ZCWPW2: variants seen among roughly 807,000 people sequenced by gnomAD.
ZCWPW2 encodes zinc finger CW-type PWWP domain protein 2.
ZCWPW2 carries 45 observed loss-of-function variants against 46.6 expected under a neutral mutation model. The observed-to-expected ratio is 0.96, with a 90% CI of 0.76 to 1.24. ZCWPW2 has a LOEUF of 1.24. ZCWPW2 is among the 50% of genes most tolerant of loss of function. The pLI is 0.00. For missense variants in ZCWPW2, 429 were observed against 403.9 expected (o/e 1.06, Z -0.53); for synonymous variants, 152 against 137.1 (o/e 1.11, Z -0.76).
intron 6 of ZCWPW2, among the ~76,000 whole-genome samples, chr3:28,510,617 A>G (rs189296955): frequency 1.6e-4 from 24 of 152,234 alleles, no homozygotes; most frequent in African/African-American, 5.8e-4. Flanking sequence ...TTTTAGCTCT[A>G]CACTAACCCA....
At chr3:28,514,300 G>T (rs1700506890) in intron 7 of ZCWPW2, among the ~76,000 whole-genome samples, 178 bp downstream of exon 7, 1 of 151,802 alleles carries the variant, frequency 6.6e-6, no homozygotes, top group Non-Finnish European at 1.5e-5. Context: ...GATTTGATTT[G>T]GATGCCTACC....
At chr3:28,489,748 A>G (rs1400590156) in intron 5 of ZCWPW2, among the ~76,000 whole-genome samples, 1 of 151,504 alleles carries the variant, frequency 6.6e-6, no homozygotes, top group Admixed American at 6.6e-5. Context: ...TTTGTTGATT[A>G]TCTGTTATCT....
intron 4 of ZCWPW2, among the ~76,000 whole-genome samples, chr3:28,448,639 G>T (rs1698092103): frequency 6.6e-6 from 1 of 151,390 alleles, no homozygotes; most frequent in South Asian, 2.1e-4. Flanking sequence ...ACAAAAATTA[G>T]CCAGGCATGT....
rs370161814 is a variant in ZCWPW2, at chr3:28,437,602, A to G, written c.492+2333A>G. Among the ~76,000 whole-genome samples, 438 of 152,302 alleles carry G rather than the reference A, an allele frequency of 2.9e-3. 5 individuals are homozygous for G. Among genetic ancestry groups the G allele is most frequent in the African/African-American group, 9.8e-3 (407 of 41,564 alleles). ...TTAATTTTATTAAGAGCACAACAGT[A>G]CTCAGTCATTCTCTAGTCATACAGA... On this transcript the variant is annotated intron_variant, in intron 4 of 9. Transcript: ENST00000383768.
At chr3:28,366,910 G>A (rs896558330) in intron 1 of ZCWPW2, among the ~76,000 whole-genome samples, 7 of 152,312 alleles carry the variant, frequency 4.6e-5, no homozygotes, top group South Asian at 2.1e-4. Flanking sequence ...ATTTCTTCTA[G>A]ATTTTCTAGT....
chr3:28,391,407 T>G (rs1363691744), intron 2 of ZCWPW2, among the ~76,000 whole-genome samples: 2 of 149,910 alleles, frequency 1.3e-5, no homozygotes, highest in Non-Finnish European at 3.0e-5. Context: ...ACAAAGCCAA[T>G]GAGACAGCCA....
chr3:28,453,626 G>T (rs1306827067), intron 4 of ZCWPW2, among the ~76,000 whole-genome samples: 2 of 151,916 alleles, frequency 1.3e-5, no homozygotes, highest in African/African-American at 4.8e-5. Flanking sequence ...TCACAAAATT[G>T]CCCTGAGAGT....
intron 4 of ZCWPW2, among the ~76,000 whole-genome samples, chr3:28,453,924 A>G (rs1698328921): frequency 6.6e-6 from 1 of 150,770 alleles, no homozygotes; most frequent in Non-Finnish European, 1.5e-5. Flanking sequence ...GGCTCACTGC[A>G]AGCTCCGCCT....
intron 4 of ZCWPW2, among the ~76,000 whole-genome samples, chr3:28,455,098 C>T (rs899741582): frequency 6.6e-6 from 1 of 152,216 alleles, no homozygotes; most frequent in African/African-American, 2.4e-5. Context: ...TACATTCCCA[C>T]CATCAGTGTA....
chr3:28,484,114 T>C (rs1271445382), intron 5 of ZCWPW2, among the ~76,000 whole-genome samples: 1 of 152,146 alleles, frequency 6.6e-6, no homozygotes, highest in Non-Finnish European at 1.5e-5. Context: ...GCTTTAGATA[T>C]TTTGTAAATG....
At chr3:28,456,431 A>G (rs540873230) in intron 4 of ZCWPW2, among the ~76,000 whole-genome samples, 36 of 152,310 alleles carry the variant, frequency 2.4e-4, no homozygotes, top group South Asian at 6.2e-4. Context: ...AAACAAAGAT[A>G]ATTTGACTTT....
Position 28,405,682 on chromosome 3 carries a change from G to A in ZCWPW2, c.-13-7374G>A, listed in dbSNP as rs1473526026. On this transcript the variant is annotated intron_variant, in intron 2 of 9. Coordinates refer to ENST00000383768, the MANE Select transcript of ZCWPW2 (RefSeq NM_001040432.4). ...GTAGAGACGGCGTTTCACTGTGTTG[G>A]CCAGGCTGGTCTCTAACTCCTGACC... Among the ~76,000 whole-genome samples, 4 of 152,068 alleles carry A rather than the reference G, an allele frequency of 2.6e-5. No individual in the cohort carries two copies. The East Asian group carries it at 7.8e-4, about 30-fold the overall frequency.
chr3:28,477,100 T>C (rs1231035108), intron 4 of ZCWPW2, among the ~76,000 whole-genome samples: 1 of 152,210 alleles, frequency 6.6e-6, no homozygotes, highest in Non-Finnish European at 1.5e-5. Context: ...TTTAGTGCTA[T>C]AAGCTTTAAA....
Position 28,388,403 on chromosome 3 carries a change from C to T in ZCWPW2, c.-133-2095C>T, listed in dbSNP as rs535110309. ...CTGCCACTAAAGACTCTAACAAGAT[C>T]GTACTTTTGCCTAATATGATACAAC... On this transcript the variant is annotated intron_variant, in intron 1 of 9. Transcript: ENST00000383768. Among the ~76,000 whole-genome samples the T allele has an allele frequency of 2.2e-4, 34 of 152,274 alleles. No individual in the cohort carries two copies. The South Asian group carries it at 6.4e-3, about 29-fold the overall frequency.
chr3:28,413,101 A>G lies in ZCWPW2; in HGVS notation c.33A>G (p.Glu11=). 1.2e-6 allele frequency: 2 copies of G among 1,612,152 alleles called. No individual in the cohort carries two copies. The highest frequency in any genetic ancestry group is 1.7e-6 in the Non-Finnish European group (2 of 1,178,948). ...AAGAAAAATTGGATGTTAAGATTGAATATTGTAACTATGCAATGGATTCCT... is the reference window on the plus strand; with the variant it reads ...AAGAAAAATTGGATGTTAAGATTGAGTATTGTAACTATGCAATGGATTCCT... The part of the protein sequence containing the change: MDKEKLDVKI[E]YCNYAMDSSV... The change falls in exon 3 of 10, where the codon GAA becomes GAG. Residue 11 remains glutamate, a synonymous_variant. Coordinates refer to ENST00000383768, the MANE Select transcript of ZCWPW2 (RefSeq NM_001040432.4).
At chr3:28,494,974 A>T (rs906601494) in intron 6 of ZCWPW2, among the ~76,000 whole-genome samples, 6 of 151,914 alleles carry the variant, frequency 3.9e-5, no homozygotes, top group Non-Finnish European at 7.4e-5. Context: ...GGGTAGGAAG[A>T]TTCAATATTG....
At chr3:28,516,439 A>G (rs1424466842) in intron 8 of ZCWPW2, among the ~76,000 whole-genome samples, 1 of 152,124 alleles carries the variant, frequency 6.6e-6, no homozygotes, top group Non-Finnish European at 1.5e-5. Context: ...GCTTCCAACT[A>G]AATTGTCGTT....
rs376030289 is a variant in ZCWPW2 at position 28,381,000 on chromosome 3, GTATATA to G, written c.-133-9482_-133-9477del. 6.6e-4 allele frequency among the ~76,000 whole-genome samples: 3 copies of G among 4,566 alleles called. 1 individual carries two copies. Among genetic ancestry groups the G allele is most frequent in the African/African-American group, 3.3e-3 (3 of 910 alleles). The allele number at this position is 4,566 out of a possible 152,430, so 3.0% of individuals were successfully genotyped here. A position where few individuals can be genotyped will look rare whatever the true frequency, so the allele number is the denominator to read the frequency against. ...GTATATATATATATATATATATTTG[GTATATA>G]TATATATATATATATTTGGTATATA... On this transcript the variant is annotated intron_variant, in intron 1 of 9. Coordinates refer to ENST00000383768, the MANE Select transcript of ZCWPW2 (RefSeq NM_001040432.4).
chr3:28,413,024 A>G lies in ZCWPW2; in HGVS notation c.-13-32A>G, dbSNP rs1696464329. 2.6e-6 allele frequency: 4 copies of G among 1,532,502 alleles called. No individual in the cohort carries two copies. In the African/African-American group the frequency reaches 4.1e-5, roughly 16 times the overall value. 94.9% of individuals were successfully genotyped at this position (1,532,502 alleles called of 1,614,324 possible). A position where few individuals can be genotyped will look rare whatever the true frequency, so the allele number is the denominator to read the frequency against. Reference sequence around the variant, plus strand: ...TCTCTCCTTATACTCTTGAATCCTCATTCTGTTATTTTCCTCTTTCTTATT... The same window carrying G: ...TCTCTCCTTATACTCTTGAATCCTCGTTCTGTTATTTTCCTCTTTCTTATT... On this transcript the variant is annotated intron_variant, in intron 2 of 9. Transcript: ENST00000383768.
Sources: gnomAD v4.1 joint callset for allele counts (sites outside exome capture counted in the v4.1 genomes callset) on GRCh38, gnomAD v4.1.1 for gene constraint, MANE v1.5 for transcripts, NCBI Gene and HGNC (gene_info 2026-07-23, HGNC 2026-07-21) for gene names.